Variants in ARHGAP9 observed in about 807,000 individuals in gnomAD.
ARHGAP9 encodes rho GTPase-activating protein 9.
In ARHGAP9, 76 loss-of-function variants were observed where a neutral mutation model predicts 87.3. The ratio of observed to expected loss-of-function variants is 0.87; its 90% CI spans 0.72 to 1.05. ARHGAP9 has a LOEUF of 1.05. Ranked by LOEUF, ARHGAP9 falls within the 50% of genes least tolerant of loss-of-function variation. The probability of loss-of-function intolerance (pLI) is 0.00; values close to 1 mark genes in which losing one functional copy is unlikely to be tolerated. For missense variants in ARHGAP9, 941 were observed against 960.5 expected (o/e 0.98, Z 0.27); for synonymous variants, 382 against 394.9 (o/e 0.97, Z 0.39).
At chr12:57,485,342 G>A (rs1397886758) in intron 1 of ARHGAP9, among the ~76,000 whole-genome samples, 3 of 151,638 alleles carry the variant, frequency 2.0e-5, no homozygotes, top group African/African-American at 7.3e-5. Flanking sequence ...TATCACCTGA[G>A]TTCAGGAGTT....
At chr12:57,475,212 T>TTG in intron 12 of ARHGAP9, 79 bp downstream of exon 12, 1 of 1,393,534 alleles carries the variant, frequency 7.2e-7, no homozygotes, top group Non-Finnish European at 9.8e-7. Flanking sequence ...TCACAGAAGG[T>TTG]TGTGGTCTAG....
upstream of ARHGAP9, among the ~76,000 whole-genome samples, chr12:57,481,050 A>G (rs1874950117): frequency 6.6e-6 from 1 of 151,822 alleles, no homozygotes; most frequent in Non-Finnish European, 1.5e-5. Context: ...CCATTTATTC[A>G]CTTATTTATT....
At chr12:57,478,376 C>A in intron 3 of ARHGAP9, 164 bp downstream of exon 3, 1 of 705,032 alleles carries the variant, frequency 1.4e-6, no homozygotes, top group East Asian at 2.7e-5. Context: ...CCACCTCAGC[C>A]ACTCTCCACC....
Position 57,473,591 on chromosome 12 carries a change from T to G in ARHGAP9, c.2024+12A>C. 1 of 1,607,372 alleles carries G rather than the reference T, an allele frequency of 6.2e-7. No individual in the cohort carries two copies. The highest frequency in any genetic ancestry group is 8.5e-7 in the Non-Finnish European group (1 of 1,173,986). On this transcript the variant is annotated intron_variant, in intron 17 of 17. Coordinates refer to ENST00000393791, the MANE Select transcript of ARHGAP9 (RefSeq NM_032496.4). ...TTCCCCAGCATGAACAAAGAGGTTCTGTCTTCCTGACCTGCATAAATGCTC... is the reference window on the plus strand; with the variant it reads ...TTCCCCAGCATGAACAAAGAGGTTCGGTCTTCCTGACCTGCATAAATGCTC...
rs771613240 is a variant in ARHGAP9, at chr12:57,479,096, G to T, written c.311C>A (p.Thr104Asn). 6.2e-7 allele frequency: 1 copy of T among 1,614,150 alleles called. No homozygotes were observed. The highest frequency in any genetic ancestry group is 8.5e-7 in the Non-Finnish European group (1 of 1,179,980). ...TTVIPGQLLW[T>N]PGPKLFHGSL... is the part of the protein sequence containing the mutation. The stretch of plus-strand genomic sequence containing the variant: ...AGGGCTTAGCGCTTACTCACCAGGA[G>T]TCCAGAGCAATTGGCCGGGGATGAC... The change falls in exon 2 of 18, where the codon ACT becomes AAT. Residue 104 changes from threonine (T) to asparagine (N), a missense_variant. Physicochemically the swap from Thr to Asn is moderately conservative, Grantham distance 65 (BLOSUM62 0). Coordinates refer to ENST00000393791, the MANE Select transcript of ARHGAP9 (RefSeq NM_032496.4).
At chr12:57,475,448 G>T in intron 11 of ARHGAP9, 35 bp downstream of exon 11, 1 of 1,575,802 alleles carries the variant, frequency 6.3e-7, no homozygotes, top group Non-Finnish European at 8.6e-7. Flanking sequence ...GCCTCGCTGC[G>T]CTCCCGGACT....
chr12:57,475,354 G>C lies in ARHGAP9; in HGVS notation c.1489C>G (p.Leu497Val). ...GTEQNRVRNK[L>V]KRLIAKRPPL... The stretch of plus-strand genomic sequence containing the variant: ...GGTCTCTTCGCGATGAGCCGCTTTA[G>C]TTTGTTGCGCACGCGGTTCTGCTCG... Residue 497 changes from leucine to valine, a missense_variant, in exon 12 of 18, where the codon CTA becomes GTA. Leu to Val is a conservative substitution (Grantham distance 32). Coordinates refer to ENST00000393791, the MANE Select transcript of ARHGAP9 (RefSeq NM_032496.4). 3 of 1,604,112 alleles carry C rather than the reference G, an allele frequency of 1.9e-6. No homozygotes were observed. The highest frequency in any genetic ancestry group is 1.3e-5 in the African/African-American group (1 of 74,968).
chr12:57,476,543 C>G, intron 7 of ARHGAP9, 47 bp downstream of exon 7: 1 of 1,613,422 alleles, frequency 6.2e-7, no homozygotes, highest in South Asian at 1.1e-5. Flanking sequence ...CCTGCTCTAC[C>G]CTATGGAGTT....
intron 3 of ARHGAP9, 100 bp downstream of exon 3, chr12:57,478,440 T>C: frequency 8.5e-7 from 1 of 1,180,338 alleles, no homozygotes; most frequent in Non-Finnish European, 1.2e-6. Flanking sequence ...CTTATTTATT[T>C]GTTTTTGTGT....
At chr12:57,480,165 TA>T (rs1421795194), upstream of ARHGAP9, 1 of 970,488 alleles carries the variant, frequency 1.0e-6, no homozygotes, top group Non-Finnish European at 1.2e-6. Context: ...GGAGCTACTT[TA>T]GTGTGTGGGT....
intron 1 of ARHGAP9, chr12:57,487,836 G>A: frequency 2.1e-6 from 1 of 483,470 alleles, no homozygotes; most frequent in Non-Finnish European, 3.7e-6. Context: ...GTGACAGAGG[G>A]AGACGCCCTC....
chr12:57,478,429 T>C lies in ARHGAP9; in HGVS notation c.534+111A>G, dbSNP rs538627960. On this transcript the variant is annotated intron_variant, in intron 3 of 17. Coordinates refer to ENST00000393791, the MANE Select transcript of ARHGAP9 (RefSeq NM_032496.4). Reference sequence around the variant, plus strand: ...GACTTATCAGTAGTACCAAGCGTTATCTTATTTATTTGTTTTTGTGTTTGT... The same window carrying C: ...GACTTATCAGTAGTACCAAGCGTTACCTTATTTATTTGTTTTTGTGTTTGT... 11 of 1,091,060 alleles carry C rather than the reference T, an allele frequency of 1.0e-5. No homozygotes were observed. In the Admixed American group the frequency reaches 1.3e-4, roughly 12 times the overall value. The allele number at this position is 1,091,060 out of a possible 1,614,324, so 67.6% of individuals were successfully genotyped here. A position where few individuals can be genotyped will look rare whatever the true frequency, so the allele number is the denominator to read the frequency against.
At chr12:57,477,972 T>G (rs1361140997) in intron 3 of ARHGAP9, 1 of 1,224,034 alleles carries the variant, frequency 8.2e-7, no homozygotes, top group Non-Finnish European at 1.0e-6. Context: ...TTTTGTGGGG[T>G]GGGGGGAATG....
Position 57,475,866 on chromosome 12 carries a change from C to T in ARHGAP9, c.1278G>A (p.Trp426Ter), listed in dbSNP as rs370652888. The change falls in exon 10 of 18, where the codon TGG (tryptophan) becomes TGA (stop). Residue 426 changes from tryptophan (W) to a stop codon, truncating the protein, a stop_gained. Transcript: ENST00000393791. LOFTEE classifies it high-confidence loss of function. ...CGATGACAGTCCGCAGCGCGCGGTG[C>T]CAGGCTCGCAGCTCTGTCTCGTGGT... ...QSDHETELRA[W>*]HRALRTVIER... is the part of the protein sequence containing the mutation. 172 of 1,613,812 alleles carry T rather than the reference C, an allele frequency of 1.1e-4. No homozygotes were observed. Among genetic ancestry groups the T allele is most frequent in the Non-Finnish European group, 1.3e-4 (158 of 1,179,920 alleles).
chr12:57,475,180 T>C (rs1487273379), intron 12 of ARHGAP9, 111 bp downstream of exon 12: 10 of 1,241,124 alleles, frequency 8.1e-6, no homozygotes, highest in East Asian at 5.1e-5. Flanking sequence ...CTAAACAATC[T>C]GGGGTAGTGG....
upstream of ARHGAP9, among the ~76,000 whole-genome samples, chr12:57,484,244 T>C (rs868714149): frequency 4.3e-4 from 65 of 149,588 alleles, no homozygotes; most frequent in African/African-American, 1.6e-3. Context: ...CCCAGCTACT[T>C]GGGAGGCTGA....
At chr12:57,488,721 A>C in exon 1 of ARHGAP9, 2 of 1,422,254 alleles carry the variant, frequency 1.4e-6, no homozygotes, top group Non-Finnish European at 1.9e-6. Context: ...ATAATTATGA[A>C]GATATCCCAG....
At position 57,476,120 on chromosome 12, in the gene ARHGAP9, GC is replaced by G; in HGVS notation, c.1162del (p.Ala388ArgfsTer68). 1 of 1,541,610 alleles carries G rather than the reference GC, an allele frequency of 6.5e-7. No homozygotes were observed. The highest frequency in any genetic ancestry group is 8.7e-7 in the Non-Finnish European group (1 of 1,143,886). On this transcript the variant is annotated frameshift_variant, in exon 9 of 18. Coordinates refer to ENST00000393791, the MANE Select transcript of ARHGAP9 (RefSeq NM_032496.4). LOFTEE classifies it high-confidence loss of function. Reference sequence around the variant, plus strand: ...CAGGTGGCGGCCGTGCGCCAGGGCCGCCCCGCGCAGGTCCACGCTACTTTCG... The same window carrying G: ...CAGGTGGCGGCCGTGCGCCAGGGCCGCCCGCGCAGGTCCACGCTACTTTCG... ...RPESSVDLRGAALAHGRHLSS... is the reference protein window; with the variant it reads ...RPESSVDLRGXALAHGRHLSS...
At chr12:57,474,335 T>C in intron 15 of ARHGAP9, 88 bp downstream of exon 15, 1 of 1,582,434 alleles carries the variant, frequency 6.3e-7, no homozygotes, top group Non-Finnish European at 8.7e-7. Flanking sequence ...AGGACAACCC[T>C]CCCAGGAATA....
Sources: gnomAD v4.1 joint callset for allele counts (sites outside exome capture counted in the v4.1 genomes callset) on GRCh38, gnomAD v4.1.1 for gene constraint, MANE v1.5 for transcripts, NCBI Gene and HGNC (gene_info 2026-07-23, HGNC 2026-07-21) for gene names.